Variants in MPRIP observed in about 807,000 individuals in gnomAD.
MPRIP encodes myosin phosphatase Rho interacting protein, also known as myosin phosphatase Rho-interacting protein.
MPRIP carries 59 observed loss-of-function variants against 234.9 expected under a neutral mutation model. The observed-to-expected ratio is 0.25, with a 90% confidence interval of 0.20 to 0.31. MPRIP has a LOEUF of 0.31. MPRIP is among the 10% of genes least tolerant of loss of function. The pLI is 1.00. For synonymous variants in MPRIP, 1,144 were observed against 1,263.9 expected (o/e 0.91, Z 2.01); for missense variants, 2,436 against 3,071.0 (o/e 0.79, Z 4.89).
rs113251789 is a variant in MPRIP, at chr17:17,185,152, G to A, written c.*258G>A. On this transcript the variant is annotated 3_prime_UTR_variant, in exon 24 of 24. Transcript: ENST00000651222. The stretch of plus-strand genomic sequence containing the variant: ...TTAGGCCAGCAGTGGGGGCTGGGAG[G>A]GCATCTGTGTTAGTCCTTTCCTGGC... 5,989 of 369,046 alleles carry A rather than the reference G, an allele frequency of 0.016. 106 individuals carry two copies. The highest frequency in any genetic ancestry group is 0.025 in the Middle Eastern group (28 of 1,124). The allele number at this position is 369,046 out of a possible 1,614,324, so 22.9% of individuals were successfully genotyped here. A position where few individuals can be genotyped will look rare whatever the true frequency, so the allele number is the denominator to read the frequency against.
chr17:17,155,202 G>A (rs1259961883), intron 13 of MPRIP, among the ~76,000 whole-genome samples: 5 of 151,850 alleles, frequency 3.3e-5, no homozygotes, highest in Admixed American at 6.6e-5. Context: ...CTGCTTGGGT[G>A]TGGCAATGTC....
chr17:17,057,669 GCT>G lies in MPRIP; in HGVS notation c.123+14700_123+14701del, dbSNP rs1452815604. On this transcript the variant is annotated intron_variant, in intron 1 of 23. Transcript: ENST00000651222. ...CCACCCCCTTGAAATGAAACGTGGA[GCT>G]CACATATATGATGCACGAATGTTCT... 5.6e-6 allele frequency: 4 copies of G among 717,930 alleles called. No homozygotes were observed. The African/African-American group carries it at 7.0e-5, about 13-fold the overall frequency. The allele number at this position is 717,930 out of a possible 1,614,324, so 44.5% of individuals were successfully genotyped here.
At chr17:17,082,005 A>G (rs2089472924) in intron 3 of MPRIP, among the ~76,000 whole-genome samples, 6 of 152,182 alleles carry the variant, frequency 3.9e-5, no homozygotes, top group South Asian at 2.1e-4. Flanking sequence ...GCAACAATCT[A>G]GAAACCCAGA....
intron 22 of MPRIP, among the ~76,000 whole-genome samples, chr17:17,179,362 G>A (rs1159377602): frequency 9.3e-5 from 14 of 151,226 alleles, no homozygotes; most frequent in African/African-American, 2.7e-4. Flanking sequence ...CAGGAGAATC[G>A]CTTGAACCCA....
intron 3 of MPRIP, among the ~76,000 whole-genome samples, chr17:17,112,565 C>T (rs907212131): frequency 2.0e-5 from 3 of 152,094 alleles, no homozygotes; most frequent in African/African-American, 7.2e-5. Flanking sequence ...AGTCCTGGCT[C>T]CTGCCGTCTG....
intron 1 of MPRIP, among the ~76,000 whole-genome samples, chr17:17,070,802 T>C (rs2089174597): frequency 6.6e-6 from 1 of 152,250 alleles, no homozygotes. Flanking sequence ...CTTGGTATGA[T>C]GATGATTTTT....
At chr17:17,117,318 A>G (rs1292910124) in intron 3 of MPRIP, among the ~76,000 whole-genome samples, 3 of 152,160 alleles carry the variant, frequency 2.0e-5, no homozygotes, top group African/African-American at 7.2e-5. Context: ...AAGGGGGTAG[A>G]TTATCACCCC....
intron 23 of MPRIP, among the ~76,000 whole-genome samples, chr17:17,183,433 G>T (rs1036245266): frequency 1.3e-5 from 2 of 152,122 alleles, no homozygotes; most frequent in Non-Finnish European, 2.9e-5. Context: ...AGCCAGGATG[G>T]TCTCGATCTC....
intron 3 of MPRIP, among the ~76,000 whole-genome samples, chr17:17,121,856 C>T (rs1233885562): frequency 6.6e-6 from 1 of 152,146 alleles, no homozygotes; most frequent in East Asian, 1.9e-4. Flanking sequence ...TGTTTCTCTC[C>T]ATGTGTCTAT....
rs529098901 is a variant in MPRIP, at chr17:17,157,573, G to A, written c.1830-859G>A. ...ATTCAGGCTGGGCACAGTAGCTCACGCCTGTAATCCCAGCACTTTGGGAGG... is the reference window on the plus strand; with the variant it reads ...ATTCAGGCTGGGCACAGTAGCTCACACCTGTAATCCCAGCACTTTGGGAGG... On this transcript the variant is annotated intron_variant, in intron 13 of 23. Transcript: ENST00000651222. Among the ~76,000 whole-genome samples the A allele has an allele frequency of 2.0e-5, 3 of 152,336 alleles. No homozygotes were observed. The South Asian group carries it at 6.2e-4, about 32-fold the overall frequency.
rs888212784 is a variant in MPRIP at position 17,167,692 on chromosome 17, C to T, written c.6101C>T (p.Thr2034Ile). The T allele has an allele frequency of 1.0e-5, 13 of 1,304,164 alleles. No homozygotes were observed. Among genetic ancestry groups the T allele is most frequent in the Non-Finnish European group, 1.2e-5 (12 of 988,948 alleles). 80.8% of individuals were successfully genotyped at this position (1,304,164 alleles called of 1,614,324 possible). A position where few individuals can be genotyped will look rare whatever the true frequency, so the allele number is the denominator to read the frequency against. The change falls in exon 16 of 24, where the codon ACC (threonine) becomes ATC (isoleucine). Residue 2034 changes from threonine to isoleucine, a missense_variant. Physicochemically the swap from Thr to Ile is moderately conservative, Grantham distance 89. Around this residue, in one of 4 missense-constraint regions of MPRIP, gnomAD observed 1,998 missense variants for 2,520.3 expected, o/e 0.79. Transcript: ENST00000651222. The surrounding 1 kb of genome is among the most constrained non-coding windows in gnomAD (Gnocchi z 5.9). ...CAGAGCCTGAGGTGCCTTCAGGACACCCTCTGCCTCCACCAGGGGCCACAC... is the reference window on the plus strand; with the variant it reads ...CAGAGCCTGAGGTGCCTTCAGGACATCCTCTGCCTCCACCAGGGGCCACAC... Reference protein sequence around the residue: ...YSQSLRCLQDTLCLHQGPHPK... With the variant: ...YSQSLRCLQDILCLHQGPHPK...
chr17:17,150,324 C>A, intron 12 of MPRIP, 91 bp downstream of exon 12: 1 of 916,954 alleles, frequency 1.1e-6, no homozygotes, highest in South Asian at 1.4e-5. Context: ...CACTTCTGGA[C>A]AGGCCTGATG....
At chr17:17,163,494 G>A (rs191350542) in intron 15 of MPRIP, among the ~76,000 whole-genome samples, 132 of 152,188 alleles carry the variant, frequency 8.7e-4, no homozygotes, top group African/African-American at 3.1e-3. Flanking sequence ...CATGGTTCCC[G>A]TTCCCCCCTC....
chr17:17,049,867 T>C (rs184499319), intron 1 of MPRIP, among the ~76,000 whole-genome samples: 1 of 152,292 alleles, frequency 6.6e-6, no homozygotes, highest in Admixed American at 6.5e-5. Flanking sequence ...ATAGGAAATT[T>C]TAAATTTTCC....
Position 17,150,203 on chromosome 17 carries a change from A to G in MPRIP, c.1689A>G (p.Pro563=). 1 of 1,613,756 alleles carries G rather than the reference A, an allele frequency of 6.2e-7. No individual in the cohort carries two copies. The highest frequency in any genetic ancestry group is 8.5e-7 in the Non-Finnish European group (1 of 1,179,784). The change falls in exon 12 of 24, where the codon CCA becomes CCG. Residue 563 remains proline, a synonymous_variant. Coordinates refer to ENST00000651222, the MANE Select transcript of MPRIP (RefSeq NM_001364716.4). Reference sequence around the variant, plus strand: ...CATGTTACGATGTCACAGAGTATCCAGTTCAGAGAAACTATGGCTTCCAGA... The same window carrying G: ...CATGTTACGATGTCACAGAGTATCCGGTTCAGAGAAACTATGGCTTCCAGA... ...LSACYDVTEY[P]VQRNYGFQIH...
chr17:17,164,481 G>A lies in MPRIP; in HGVS notation c.2890G>A (p.Ala964Thr), dbSNP rs1397140607. The A allele has an allele frequency of 8.2e-7, 1 of 1,216,190 alleles. No homozygotes were observed. The highest frequency in any genetic ancestry group is 3.2e-5 in the Admixed American group (1 of 31,362). 75.3% of individuals were successfully genotyped at this position (1,216,190 alleles called of 1,614,324 possible). ...ASEQKLKSAEALLLEKTQELR... is the reference protein window; with the variant it reads ...ASEQKLKSAETLLLEKTQELR... ...CGAGCAGAAGCTCAAGAGTGCTGAG[G>A]CCCTGCTGCTGGAGAAGACGCAGGA... The change falls in exon 16 of 24, where the codon GCC becomes ACC. Residue 964 changes from alanine to threonine, a missense_variant. By Grantham distance (58) the Ala-to-Thr change is moderately conservative. Around this residue, in one of 4 missense-constraint regions of MPRIP, gnomAD observed 1,998 missense variants for 2,520.3 expected, o/e 0.79. Transcript: ENST00000651222.
chr17:17,063,149 G>A (rs143525805), intron 1 of MPRIP, among the ~76,000 whole-genome samples: 77 of 152,374 alleles, frequency 5.1e-4, no homozygotes, highest in Non-Finnish European at 1.3e-4. Flanking sequence ...AGGCAGAGGT[G>A]CAGTGCAGCC....
intron 3 of MPRIP, among the ~76,000 whole-genome samples, chr17:17,126,296 G>A (rs1216260437): frequency 6.6e-6 from 1 of 152,052 alleles, no homozygotes; most frequent in Non-Finnish European, 1.5e-5. Flanking sequence ...GCTTCTCTCT[G>A]GCCCCCTCCT....
rs2045964856 is a variant in MPRIP, at chr17:17,165,480, G to A, written c.3889G>A (p.Val1297Met). 1 of 1,304,222 alleles carries A rather than the reference G, an allele frequency of 7.7e-7. No individual in the cohort carries two copies. The highest frequency in any genetic ancestry group is 1.5e-5 in the African/African-American group (1 of 65,878). 80.8% of individuals were successfully genotyped at this position (1,304,222 alleles called of 1,614,324 possible). ...CATGGTGCCCCCAAAGTCAGTGGAAGTGCTTGACAGGGAGGGCCATCAGCA... is the reference window on the plus strand; with the variant it reads ...CATGGTGCCCCCAAAGTCAGTGGAAATGCTTGACAGGGAGGGCCATCAGCA... ...DSMVPPKSVE[V>M]LDREGHQQGT... Residue 1297 changes from valine to methionine, a missense_variant, in exon 16 of 24, where the codon GTG becomes ATG. Val to Met is a conservative substitution (Grantham distance 21). Transcript: ENST00000651222.
Sources: allele counts gnomAD v4.1 joint callset (sites outside exome capture counted in the v4.1 genomes callset), GRCh38; gene constraint gnomAD v4.1.1; regional missense constraint gnomAD v4.1.1; non-coding constraint Gnocchi (gnomAD v3.1); transcripts MANE v1.5; gene names NCBI Gene and HGNC (gene_info 2026-07-23, HGNC 2026-07-21).